Variants in SNX30 observed in about 807,000 individuals in gnomAD.
The protein encoded by SNX30 is sorting nexin family member 30.
In SNX30, 24 loss-of-function variants were observed where a neutral mutation model predicts 46.4. That is an observed-to-expected ratio of 0.52 (90% CI 0.37 to 0.73). The LOEUF is 0.73. Ranked by LOEUF, SNX30 falls within the 30% of genes least tolerant of loss-of-function variation. The probability of loss-of-function intolerance (pLI) is 0.00; values close to 1 mark genes in which losing one functional copy is unlikely to be tolerated. For synonymous variants in SNX30, 189 were observed against 211.5 expected (o/e 0.89, Z 0.92); for missense variants, 533 against 555.7 (o/e 0.96, Z 0.41).
chr9:112,854,703 T>C (rs944531606), intron 7 of SNX30, among the ~76,000 whole-genome samples: 4 of 152,070 alleles, frequency 2.6e-5, no homozygotes, highest in East Asian at 1.9e-4. Flanking sequence ...AGCAGCTGCG[T>C]TGGTGGGCAG....
chr9:112,791,779 T>C (rs1840029306), intron 1 of SNX30, among the ~76,000 whole-genome samples: 1 of 152,220 alleles, frequency 6.6e-6, no homozygotes, highest in African/African-American at 2.4e-5. Flanking sequence ...GTGATGCCAG[T>C]AAATATTTTG....
At chr9:112,805,413 A>C (rs1344854435) in intron 2 of SNX30, among the ~76,000 whole-genome samples, 1 of 152,146 alleles carries the variant, frequency 6.6e-6, no homozygotes, top group African/African-American at 2.4e-5. Flanking sequence ...TATGTGTCAG[A>C]TAGGTAGTGG....
chr9:112,773,791 G>A (rs1249196840), intron 1 of SNX30, among the ~76,000 whole-genome samples: 3 of 152,062 alleles, frequency 2.0e-5, no homozygotes, highest in Admixed American at 6.5e-5. Flanking sequence ...ATTACAGATA[G>A]CCTTAACAAA....
chr9:112,751,206 G>T (rs542542484), intron 1 of SNX30, 49 bp downstream of exon 1: 8 of 1,364,628 alleles, frequency 5.9e-6, no homozygotes, highest in South Asian at 3.4e-5. Context: ...GCTCCCCGTG[G>T]GGGGGATGAT....
Position 112,754,406 on chromosome 9 carries a change from C to CTTT in SNX30, c.156+3269_156+3271dup, listed in dbSNP as rs755479504. ...TTGATGCCTGCTAAACTCACTGGGC[C>CTTT]TTTTTTTTTTTTTTTTTTTTTTGAG... On this transcript the variant is annotated intron_variant, in intron 1 of 8. Coordinates refer to ENST00000374232, the MANE Select transcript of SNX30 (RefSeq NM_001012994.2). Among the ~76,000 whole-genome samples the CTTT allele has an allele frequency of 1.3e-3, 151 of 113,012 alleles. 3 individuals carry two copies. The highest frequency in any genetic ancestry group is 2.9e-3 in the African/African-American group (77 of 26,784). The allele number at this position is 113,012 out of a possible 152,430, so 74.1% of individuals were successfully genotyped here. A position where few individuals can be genotyped will look rare whatever the true frequency, so the allele number is the denominator to read the frequency against.
rs749027721 is a variant in SNX30, at chr9:112,804,876, G to A, written c.257G>A (p.Gly86Asp). Residue 86 changes from glycine to aspartate, a missense_variant, in exon 2 of 9, where the codon GGT becomes GAT. This residue lies in a region of SNX30 where 191 missense variants were observed against 160.3 expected (regional missense o/e 1.19). Coordinates refer to ENST00000374232, the MANE Select transcript of SNX30 (RefSeq NM_001012994.2). The stretch of plus-strand genomic sequence containing the variant: ...CTTCAGCTTGATGATGATATTGATG[G>A]TGAGACTAGAGATCTCTTCGTTATA... ...NRLQLDDDID[G>D]ETRDLFVIVD... 1 of 1,613,920 alleles carries A rather than the reference G, an allele frequency of 6.2e-7. No homozygotes were observed. Among genetic ancestry groups the A allele is most frequent in the Non-Finnish European group, 8.5e-7 (1 of 1,179,926 alleles).
intron 8 of SNX30, chr9:112,866,616 G>A (rs1841348526): frequency 6.6e-6 from 3 of 455,708 alleles, no homozygotes; most frequent in African/African-American, 4.1e-5. Flanking sequence ...TCACCAAGGA[G>A]GAATCAGGAA....
At chr9:112,785,706 T>G (rs1053819415) in intron 1 of SNX30, among the ~76,000 whole-genome samples, 2 of 152,078 alleles carry the variant, frequency 1.3e-5, no homozygotes, top group Non-Finnish European at 2.9e-5. Flanking sequence ...GTTTTAAATT[T>G]TTTTGTAGAG....
At chr9:112,808,549 A>C (rs1259024571) in intron 2 of SNX30, among the ~76,000 whole-genome samples, 1 of 152,186 alleles carries the variant, frequency 6.6e-6, no homozygotes, top group East Asian at 1.9e-4. Flanking sequence ...CTTACCATGC[A>C]CTGTACTTTT....
chr9:112,837,881 TCTTTTC>T (rs1840785465), intron 5 of SNX30, among the ~76,000 whole-genome samples: 2 of 70,738 alleles, frequency 2.8e-5, no homozygotes, highest in Non-Finnish European at 5.2e-5. Context: ...GGCGAGTGGT[TCTTTTC>T]TTTTTTTTTT....
At chr9:112,808,553 T>C (rs1840266873) in intron 2 of SNX30, among the ~76,000 whole-genome samples, 1 of 152,230 alleles carries the variant, frequency 6.6e-6, no homozygotes, top group South Asian at 2.1e-4. Context: ...CCATGCACTG[T>C]ACTTTTTTGC....
intron 2 of SNX30, among the ~76,000 whole-genome samples, chr9:112,813,969 C>T (rs1348592126): frequency 3.3e-5 from 5 of 152,034 alleles, no homozygotes; most frequent in African/African-American, 4.8e-5. Context: ...CATTATTTTC[C>T]AATGGTAGAT....
In SNX30 at chr9:112,804,960, C is replaced by T; in HGVS notation, c.341C>T (p.Thr114Ile). The change falls in exon 2 of 9, where the codon ACC becomes ATC. Residue 114 changes from threonine to isoleucine, a missense_variant. Transcript: ENST00000374232. The part of the protein sequence containing the change: ...TMETYITYRI[T>I]TKSTRVEFDL... Reference sequence around the variant, plus strand: ...GAGACTTACATCACCTATAGGATCACCACCAAAGTAGGTCCCTGTGTTATA... The same window carrying T: ...GAGACTTACATCACCTATAGGATCATCACCAAAGTAGGTCCCTGTGTTATA... 1.3e-6 allele frequency: 2 copies of T among 1,590,852 alleles called. No individual in the cohort carries two copies. Among genetic ancestry groups the T allele is most frequent in the African/African-American group, 1.3e-5 (1 of 74,484 alleles).
chr9:112,857,401 G>A (rs909898369), intron 7 of SNX30, among the ~76,000 whole-genome samples: 2 of 152,094 alleles, frequency 1.3e-5, no homozygotes, highest in African/African-American at 2.4e-5. Context: ...CACTGAAAAC[G>A]CAGTTGCTGG....
At chr9:112,839,629 T>G (rs985085960) in intron 6 of SNX30, among the ~76,000 whole-genome samples, 3 of 152,196 alleles carry the variant, frequency 2.0e-5, no homozygotes, top group Non-Finnish European at 4.4e-5. Flanking sequence ...ATGGGGGCAC[T>G]GATTAGTAGA....
Position 112,750,872 on chromosome 9 carries a change from C to T in SNX30, c.-130C>T, listed in dbSNP as rs1335722368. 1.2e-6 allele frequency: 1 copy of T among 866,700 alleles called. No homozygotes were observed. Among genetic ancestry groups the T allele is most frequent in the East Asian group, 7.7e-5 (1 of 12,918 alleles). The allele number at this position is 866,700 out of a possible 1,614,324, so 53.7% of individuals were successfully genotyped here. On this transcript the variant is annotated 5_prime_UTR_variant, in exon 1 of 9. Coordinates refer to ENST00000374232, the MANE Select transcript of SNX30 (RefSeq NM_001012994.2). ...GACCAGCCGGCGGGTGGCGGCGGCC[C>T]CCAGCACGGCCGGTGCAAGGCCTCG...
chr9:112,791,168 C>A (rs1840013401), intron 1 of SNX30, among the ~76,000 whole-genome samples: 1 of 151,824 alleles, frequency 6.6e-6, no homozygotes, highest in Non-Finnish European at 1.5e-5. Context: ...ATTTTGTCAC[C>A]CCAAAAAGAA....
At chr9:112,821,778 G>C (rs1044140130) in intron 3 of SNX30, among the ~76,000 whole-genome samples, 1 of 150,588 alleles carries the variant, frequency 6.6e-6, no homozygotes, top group Non-Finnish European at 1.5e-5. Context: ...GAGCCACTGC[G>C]CCCAGCCCCA....
chr9:112,863,525 T>C (rs536687011), intron 7 of SNX30, among the ~76,000 whole-genome samples: 49 of 152,350 alleles, frequency 3.2e-4, no homozygotes, highest in African/African-American at 9.9e-4. Flanking sequence ...TTTGAGAAAG[T>C]CTTCTAAACC....
Sources: allele counts gnomAD v4.1 joint callset (sites outside exome capture counted in the v4.1 genomes callset), GRCh38; gene constraint gnomAD v4.1.1; regional missense constraint gnomAD v4.1.1; transcripts MANE v1.5; gene names NCBI Gene and HGNC (gene_info 2026-07-23, HGNC 2026-07-21).